The following HECW2 variants were observed in gnomAD, a reference collection of about 807,000 sequenced individuals.
HECW2 encodes HECT, C2 and WW domain containing E3 ubiquitin protein ligase 2.
In HECW2, 61 loss-of-function variants were observed where a neutral mutation model predicts 175.2. That is an observed-to-expected ratio of 0.35 (90% CI 0.28 to 0.43). The LOEUF (loss-of-function observed/expected upper bound fraction) is 0.43. Among genes scored for constraint, HECW2 ranks in the 20% least tolerant of loss-of-function variants. The pLI is 1.00. For synonymous variants in HECW2, 671 were observed against 731.0 expected, an observed-to-expected ratio of 0.92 and a Z score of 1.32; for missense variants, 1,524 against 2,000.5, an observed-to-expected ratio of 0.76 and a Z score of 4.54.
intron 1 of HECW2, among the ~76,000 whole-genome samples, chr2:196,488,015 C>T (rs1687065096): frequency 1.3e-5 from 2 of 152,196 alleles, no homozygotes; most frequent in South Asian, 4.1e-4. Context: ...GCTTCAAAGA[C>T]TATGATGTTT....
At chr2:196,335,767 A>G (rs552823360) in intron 3 of HECW2, among the ~76,000 whole-genome samples, 2 of 152,236 alleles carry the variant, frequency 1.3e-5, no homozygotes, top group South Asian at 2.1e-4. Flanking sequence ...TCACTATCCA[A>G]TAATTCATAA....
chr2:196,342,880 A>G (rs1160026528), intron 3 of HECW2, among the ~76,000 whole-genome samples: 1 of 152,114 alleles, frequency 6.6e-6, no homozygotes, highest in African/African-American at 2.4e-5. Flanking sequence ...TCTGAAATTC[A>G]TATGAATAAA....
In HECW2 at chr2:196,318,885, G is replaced by T; in HGVS notation, c.2005C>A (p.Pro669Thr). ...RCSSLESARFPETPAFSSQEE... is the reference protein window; with the variant it reads ...RCSSLESARFTETPAFSSQEE... Reference sequence around the variant, plus strand: ...TGAGAAGAAAAGGCTGGGGTTTCAGGAAACCGTGCGCTCTCAAGAGAGGAG... The same window carrying T: ...TGAGAAGAAAAGGCTGGGGTTTCAGTAAACCGTGCGCTCTCAAGAGAGGAG... The change falls in exon 9 of 29, where the codon CCT (proline) becomes ACT (threonine). Residue 669 changes from proline to threonine, a missense_variant. Pro to Thr is a conservative substitution (Grantham distance 38). Around this residue, in one of 11 missense-constraint regions of HECW2, gnomAD observed 604 missense variants for 588.3 expected, o/e 1.03. Transcript: ENST00000644978. 1 of 1,556,798 alleles carries T rather than the reference G, an allele frequency of 6.4e-7. No individual in the cohort carries two copies. The highest frequency in any genetic ancestry group is 1.2e-5 in the South Asian group (1 of 80,740).
At chr2:196,433,816 C>T (rs1695789277) in intron 1 of HECW2, among the ~76,000 whole-genome samples, 1 of 152,168 alleles carries the variant, frequency 6.6e-6, no homozygotes, top group Non-Finnish European at 1.5e-5. Context: ...CCATCCCACA[C>T]ACATATTTAT....
intron 17 of HECW2, among the ~76,000 whole-genome samples, chr2:196,268,640 G>A (rs929156857): frequency 4.6e-5 from 7 of 152,134 alleles, no homozygotes; most frequent in Non-Finnish European, 5.9e-5. Context: ...ATGTTAATTC[G>A]TATTACACAC....
intron 2 of HECW2, among the ~76,000 whole-genome samples, chr2:196,392,069 A>G (rs574691979): frequency 6.6e-6 from 1 of 152,324 alleles, no homozygotes; most frequent in East Asian, 1.9e-4. Flanking sequence ...ATATTCGGAG[A>G]TTCAGGAAGA....
At chr2:196,470,327 A>G (rs947825764) in intron 1 of HECW2, among the ~76,000 whole-genome samples, 5 of 152,082 alleles carry the variant, frequency 3.3e-5, no homozygotes, top group African/African-American at 1.2e-4. Context: ...TGAGTTTCCC[A>G]ATAAAATATA....
At chr2:196,237,255 C>G (rs1459271049) in intron 21 of HECW2, among the ~76,000 whole-genome samples, 1 of 152,018 alleles carries the variant, frequency 6.6e-6, no homozygotes, top group Admixed American at 6.6e-5. Flanking sequence ...CGAGTAAGTT[C>G]TTTAGTGGTG....
chr2:196,218,214 C>T (rs762282826), intron 26 of HECW2: 1 of 152,230 alleles, frequency 6.6e-6, no homozygotes, highest in Non-Finnish European at 1.5e-5. Flanking sequence ...TTCCCTTTTG[C>T]TATTTGTGCC....
intron 16 of HECW2, among the ~76,000 whole-genome samples, chr2:196,271,972 G>A (rs1689757282): frequency 6.6e-6 from 1 of 152,020 alleles, no homozygotes; most frequent in Non-Finnish European, 1.5e-5. Flanking sequence ...ATTATCAAAT[G>A]GCAAGATGAG....
chr2:196,281,373 C>T (rs936630848), intron 14 of HECW2, among the ~76,000 whole-genome samples: 1 of 152,128 alleles, frequency 6.6e-6, no homozygotes, highest in African/African-American at 2.4e-5. Flanking sequence ...CGCGATGGCT[C>T]ACACCTGTAA....
At chr2:196,369,342 GTCTCTCTCTCTC>G (rs71410611) in intron 2 of HECW2, among the ~76,000 whole-genome samples, 2,103 of 131,554 alleles carry the variant, frequency 0.016, 70 homozygotes, top group African/African-American at 0.057. Flanking sequence ...AACAAATGGA[GTCTCTCTCTCTC>G]TCTCTCTCTC....
At chr2:196,280,712 G>C (rs140733285) in intron 14 of HECW2, among the ~76,000 whole-genome samples, 181 of 152,270 alleles carry the variant, frequency 1.2e-3, no homozygotes, top group African/African-American at 4.1e-3. Flanking sequence ...GACTTGCATT[G>C]ACAGGTTCTG....
intron 1 of HECW2, among the ~76,000 whole-genome samples, chr2:196,483,704 C>A (rs1449122546): frequency 2.0e-5 from 3 of 152,114 alleles, no homozygotes; most frequent in Non-Finnish European, 4.4e-5. Context: ...ACATATTAAC[C>A]AAACCATAAG....
chr2:196,215,079 A>G (rs1200089362), intron 28 of HECW2, among the ~76,000 whole-genome samples: 1 of 152,222 alleles, frequency 6.6e-6, no homozygotes, highest in Non-Finnish European at 1.5e-5. Flanking sequence ...CAGTATTACT[A>G]CTAATTGGAT....
At chr2:196,489,632 A>C (rs1687120677) in intron 1 of HECW2, among the ~76,000 whole-genome samples, 1 of 152,184 alleles carries the variant, frequency 6.6e-6, no homozygotes, top group Admixed American at 6.5e-5. Context: ...CCCTTAACAC[A>C]CTCAAGTTTG....
intron 26 of HECW2, 43 bp downstream of exon 26, chr2:196,219,996 A>T: frequency 7.7e-7 from 1 of 1,292,638 alleles, no homozygotes; most frequent in Non-Finnish European, 1.1e-6. Context: ...GCCTTCCTTT[A>T]ATTTGAAATT....
chr2:196,486,408 G>A (rs1419651467), intron 1 of HECW2, among the ~76,000 whole-genome samples: 2 of 152,176 alleles, frequency 1.3e-5, no homozygotes, highest in Non-Finnish European at 2.9e-5. Flanking sequence ...AGGGAGGGTG[G>A]CCAAGCTTCA....
chr2:196,540,494 A>T (rs901955799), intron 1 of HECW2, among the ~76,000 whole-genome samples: 1 of 152,094 alleles, frequency 6.6e-6, no homozygotes, highest in Non-Finnish European at 1.5e-5. Context: ...GTTGGAGTGC[A>T]GTGGCAAGAT....
Sources: allele counts gnomAD v4.1 joint callset (sites outside exome capture counted in the v4.1 genomes callset), GRCh38; gene constraint gnomAD v4.1.1; regional missense constraint gnomAD v4.1.1; transcripts MANE v1.5; gene names NCBI Gene and HGNC (gene_info 2026-07-23, HGNC 2026-07-21).